Variants in MORC1 observed in about 807,000 individuals in gnomAD.
The protein encoded by MORC1 is MORC family CW-type zinc finger protein 1.
Under a neutral mutation model 134.9 loss-of-function variants are expected in MORC1, and 59 were observed. The observed-to-expected ratio is 0.44, with a 90% CI of 0.35 to 0.54. The LOEUF (loss-of-function observed/expected upper bound fraction) is 0.54, where lower values mean the gene tolerates loss of function less well. MORC1 is among the 20% of genes least tolerant of loss of function. MORC1 has a pLI of 0.00. For synonymous variants in MORC1, 395 were observed against 391.7 expected (o/e 1.01, Z -0.10); for missense variants, 947 against 1,134.5 (o/e 0.83, Z 2.37).
At chr3:109,021,016 G>T (rs1948945116) in intron 17 of MORC1, among the ~76,000 whole-genome samples, 1 of 152,062 alleles carries the variant, frequency 6.6e-6, no homozygotes, top group Admixed American at 6.5e-5. Context: ...TGAAAAACAG[G>T]ATTCAAGCTG....
chr3:109,065,271 T>C (rs1222580735), intron 9 of MORC1, among the ~76,000 whole-genome samples: 5 of 150,840 alleles, frequency 3.3e-5, no homozygotes, highest in African/African-American at 1.2e-4. Context: ...CACTTCTTCT[T>C]GTCATGTTCC....
intron 6 of MORC1, among the ~76,000 whole-genome samples, chr3:109,097,298 C>A (rs183798204): frequency 2.1e-4 from 32 of 152,278 alleles, no homozygotes; most frequent in African/African-American, 7.7e-4. Context: ...CCTTCGAAAT[C>A]CTGAAAGAAA....
intron 8 of MORC1, among the ~76,000 whole-genome samples, chr3:109,073,953 T>C (rs1355831765): frequency 1.3e-5 from 2 of 152,192 alleles, no homozygotes; most frequent in East Asian, 3.9e-4. Context: ...AATGAAAGTG[T>C]TTCTTTTGTG....
intron 13 of MORC1, 77 bp downstream of exon 13, chr3:109,057,266 C>T (rs2107674591): frequency 7.0e-7 from 1 of 1,426,258 alleles, no homozygotes; most frequent in Non-Finnish European, 9.5e-7. Context: ...ATTAGTCACT[C>T]ATCTCACTCC....
intron 6 of MORC1, among the ~76,000 whole-genome samples, chr3:109,095,917 G>A (rs534045225): frequency 1.9e-4 from 29 of 152,180 alleles, no homozygotes; most frequent in African/African-American, 6.0e-4. Context: ...GCTTGCACTC[G>A]TCATTTTACT....
At chr3:108,984,061 T>TCA (rs1335766698) in intron 23 of MORC1, among the ~76,000 whole-genome samples, 3 of 152,098 alleles carry the variant, frequency 2.0e-5, no homozygotes, top group African/African-American at 7.2e-5. Context: ...CTGGATTGAC[T>TCA]CACTACCCTG....
chr3:109,007,184 G>T, intron 17 of MORC1, 93 bp from the exon 18 acceptor site: 1 of 939,128 alleles, frequency 1.1e-6, no homozygotes, highest in South Asian at 1.7e-5. Context: ...ATTTCTTAAA[G>T]AAGGGTCAAG....
intron 8 of MORC1, among the ~76,000 whole-genome samples, chr3:109,074,247 G>A (rs1950376103): frequency 6.6e-6 from 1 of 152,160 alleles, no homozygotes; most frequent in Non-Finnish European, 1.5e-5. Context: ...GGATTTCAGG[G>A]ATGTGGCAAG....
At position 108,958,838 on chromosome 3, in the gene MORC1, ATTATTTC is replaced by A. The variant is rs892724548; in HGVS notation, c.*120_*126del. On this transcript the variant is annotated 3_prime_UTR_variant, in exon 28 of 28. Transcript: ENST00000232603. ...TACACAATTTTCTTATTTGAAAAAA[ATTATTTC>A]TTATTTCTTATTGTTAAACAGAATA... is the stretch of plus-strand genomic sequence containing the variant. 6 of 588,606 alleles carry A rather than the reference ATTATTTC, an allele frequency of 1.0e-5. No homozygotes were observed. Among genetic ancestry groups the A allele is most frequent in the Non-Finnish European group, 1.6e-5 (6 of 377,686 alleles). 36.5% of individuals were successfully genotyped at this position (588,606 alleles called of 1,614,324 possible).
intron 8 of MORC1, among the ~76,000 whole-genome samples, chr3:109,074,008 A>G (rs1950370768): frequency 6.6e-6 from 1 of 152,232 alleles, no homozygotes; most frequent in African/African-American, 2.4e-5. Context: ...ATTTGAAGCT[A>G]TAACTTTTGA....
At chr3:108,978,378 A>G (rs1443138453) in intron 24 of MORC1, among the ~76,000 whole-genome samples, 1 of 152,202 alleles carries the variant, frequency 6.6e-6, no homozygotes, top group Non-Finnish European at 1.5e-5. Context: ...TAGTGAAAAT[A>G]GATCCCTCTA....
chr3:109,063,133 G>T lies in MORC1; in HGVS notation c.895+19C>A. The T allele has an allele frequency of 6.5e-7, 1 of 1,546,168 alleles. No individual in the cohort carries two copies. Among genetic ancestry groups the T allele is most frequent in the Non-Finnish European group, 8.9e-7 (1 of 1,123,118 alleles). ...GAATGACTGAACAACAATGATGTAG[G>T]CTACAGGTAATCGCATACCAATCTT... On this transcript the variant is annotated intron_variant, in intron 10 of 27. Transcript: ENST00000232603.
At chr3:109,017,793 A>G (rs1249182909) in intron 17 of MORC1, among the ~76,000 whole-genome samples, 1 of 152,198 alleles carries the variant, frequency 6.6e-6, no homozygotes, top group Admixed American at 6.5e-5. Flanking sequence ...TTCAAAGAAG[A>G]ATCATTACCC....
At chr3:109,090,066 G>A (rs1365793124) in intron 8 of MORC1, among the ~76,000 whole-genome samples, 19 of 152,152 alleles carry the variant, frequency 1.2e-4, no homozygotes. Flanking sequence ...GCAGACTTGT[G>A]TATCATGTGC....
intron 11 of MORC1, among the ~76,000 whole-genome samples, chr3:109,060,524 T>G (rs1271574786): frequency 6.6e-6 from 1 of 151,962 alleles, no homozygotes; most frequent in Non-Finnish European, 1.5e-5. Context: ...CTTAACATGC[T>G]TCATTCACCT....
chr3:109,062,151 A>C (rs1017479884), intron 10 of MORC1, 93 bp from the exon 11 acceptor site: 4 of 1,072,374 alleles, frequency 3.7e-6, no homozygotes, highest in Non-Finnish European at 5.7e-6. Context: ...GACCAGTGAA[A>C]AAGGCATACA....
intron 21 of MORC1, among the ~76,000 whole-genome samples, chr3:108,998,299 T>C (rs1235704493): frequency 1.4e-4 from 21 of 152,238 alleles, no homozygotes; most frequent in African/African-American, 4.8e-5. Context: ...CACAGTTTCA[T>C]GAATTTGGAT....
intron 4 of MORC1, among the ~76,000 whole-genome samples, chr3:109,103,105 T>G (rs772738166): frequency 1.3e-5 from 2 of 152,236 alleles, no homozygotes; most frequent in Admixed American, 6.5e-5. Context: ...GTTGTGGAAC[T>G]GACCATGGCA....
rs754630993 is a variant in MORC1, at chr3:109,004,836, C to T, written c.2066G>A (p.Gly689Glu). 3 of 1,613,450 alleles carry T rather than the reference C, an allele frequency of 1.9e-6. No homozygotes were observed. The highest frequency in any genetic ancestry group is 2.5e-6 in the Non-Finnish European group (3 of 1,179,778). The change falls in exon 20 of 28, where the codon GGG becomes GAG. Residue 689 changes from glycine (G) to glutamate (E), a missense_variant. By Grantham distance (98) the Gly-to-Glu change is moderately conservative. Transcript: ENST00000232603. ...TTVWRAQPTE[G>E]CLKNAQAASW... ...TCCCACCTGGGCATTCTTCAGGCAC[C>T]CTTCAGTTGGTTGAGCTCTCCAGAC...
Sources: gnomAD v4.1 joint callset for allele counts (sites outside exome capture counted in the v4.1 genomes callset) on GRCh38, gnomAD v4.1.1 for gene constraint, MANE v1.5 for transcripts, NCBI Gene and HGNC (gene_info 2026-07-23, HGNC 2026-07-21) for gene names.